PLPP1: variants seen among roughly 807,000 people sequenced by gnomAD.
PLPP1 encodes the protein phospholipid phosphatase 1.
PLPP1 carries 24 observed loss-of-function variants against 31.2 expected under a neutral mutation model. The ratio of observed to expected loss-of-function variants is 0.77; its 90% CI spans 0.56 to 1.08. The LOEUF is 1.08. Among genes scored for constraint, PLPP1 ranks in the 50% least tolerant of loss-of-function variants. PLPP1 has a pLI of 0.00. For synonymous variants in PLPP1, 146 were observed against 126.3 expected (o/e 1.16, Z -1.05); for missense variants, 319 against 342.7 (o/e 0.93, Z 0.55).
intron 1 of PLPP1, among the ~76,000 whole-genome samples, chr5:55,503,441 C>T (rs1753189489): frequency 6.6e-6 from 1 of 151,996 alleles, no homozygotes; most frequent in Admixed American, 6.6e-5. Context: ...AAATTACTTC[C>T]TTTTAAGCTT....
intron 1 of PLPP1, among the ~76,000 whole-genome samples, chr5:55,488,865 C>T (rs1752829623): frequency 6.6e-6 from 1 of 152,086 alleles, no homozygotes; most frequent in Non-Finnish European, 1.5e-5. Flanking sequence ...CCCATTTCTA[C>T]TAAAAATACA....
At chr5:55,502,179 A>C (rs999929912) in intron 1 of PLPP1, among the ~76,000 whole-genome samples, 6 of 152,176 alleles carry the variant, frequency 3.9e-5, no homozygotes, top group Admixed American at 3.9e-4. Context: ...CTAGCCAATA[A>C]AATTTTCTGT....
intron 4 of PLPP1, among the ~76,000 whole-genome samples, chr5:55,433,661 G>A (rs1032493011): frequency 2.7e-5 from 4 of 148,968 alleles, no homozygotes; most frequent in African/African-American, 9.8e-5. Flanking sequence ...CACCACACCT[G>A]GCTAATTTTT....
At chr5:55,492,816 G>C (rs957463999) in intron 1 of PLPP1, among the ~76,000 whole-genome samples, 1 of 152,168 alleles carries the variant, frequency 6.6e-6, no homozygotes, top group African/African-American at 2.4e-5. Flanking sequence ...TTGAAGCTTA[G>C]AGAAATGAGG....
intron 1 of PLPP1, among the ~76,000 whole-genome samples, chr5:55,516,573 T>G (rs758341833): frequency 6.6e-6 from 1 of 152,216 alleles, no homozygotes; most frequent in Non-Finnish European, 1.5e-5. Flanking sequence ...CTGGGCCACA[T>G]GCCAAGGAGA....
At chr5:55,528,747 A>G (rs1160823023) in intron 1 of PLPP1, among the ~76,000 whole-genome samples, 1 of 152,244 alleles carries the variant, frequency 6.6e-6, no homozygotes, top group Non-Finnish European at 1.5e-5. Context: ...CTTTTTATAC[A>G]ATATATGTAT....
At chr5:55,518,773 T>C (rs1335927994) in intron 1 of PLPP1, among the ~76,000 whole-genome samples, 1 of 152,218 alleles carries the variant, frequency 6.6e-6, no homozygotes, top group East Asian at 1.9e-4. Context: ...TGTCAACTGC[T>C]GCAAGATGAC....
chr5:55,439,999 A>G (rs1385791578), intron 4 of PLPP1, among the ~76,000 whole-genome samples: 3 of 152,206 alleles, frequency 2.0e-5, no homozygotes, highest in African/African-American at 7.2e-5. Context: ...GAAACCCCAC[A>G]GAGCTCACAG....
chr5:55,517,722 G>A (rs756873668), intron 1 of PLPP1, among the ~76,000 whole-genome samples: 2 of 152,120 alleles, frequency 1.3e-5, no homozygotes, highest in African/African-American at 4.8e-5. Context: ...ATCTCTTTAC[G>A]GGACAGCAAA....
chr5:55,473,969 T>C (rs1161373250), intron 2 of PLPP1, among the ~76,000 whole-genome samples: 1 of 143,100 alleles, frequency 7.0e-6, no homozygotes, highest in Non-Finnish European at 1.5e-5. Context: ...ACATCCACCA[T>C]ATTTTCTGGT....
intron 2 of PLPP1, among the ~76,000 whole-genome samples, chr5:55,469,946 G>A (rs992557119): frequency 2.6e-5 from 4 of 152,194 alleles, no homozygotes; most frequent in African/African-American, 9.7e-5. Context: ...TTTAGTGAAA[G>A]GTGCTGCCTT....
At chr5:55,511,686 T>C (rs925256548) in intron 1 of PLPP1, among the ~76,000 whole-genome samples, 1 of 119,478 alleles carries the variant, frequency 8.4e-6, no homozygotes, top group Non-Finnish European at 1.6e-5. Context: ...TTTTTTGAGA[T>C]GGAGTCTAGC....
chr5:55,472,921 C>T (rs1315738165), intron 2 of PLPP1, among the ~76,000 whole-genome samples: 1 of 152,230 alleles, frequency 6.6e-6, no homozygotes, highest in Non-Finnish European at 1.5e-5. Flanking sequence ...TCCTGCTCTA[C>T]TGCAGCCCTC....
At chr5:55,490,869 A>G (rs1377832530) in intron 1 of PLPP1, 1 of 1,365,076 alleles carries the variant, frequency 7.3e-7, no homozygotes, top group Non-Finnish European at 1.0e-6. Context: ...TGGTGAAGAC[A>G]GTACTGTGGA....
intron 1 of PLPP1, among the ~76,000 whole-genome samples, chr5:55,517,824 CAG>C (rs1753583492): frequency 6.6e-6 from 1 of 152,172 alleles, no homozygotes; most frequent in Non-Finnish European, 1.5e-5. Context: ...AAGGCAAAAA[CAG>C]AGCTACCAGC....
At chr5:55,456,553 A>G (rs1752014805) in intron 3 of PLPP1, among the ~76,000 whole-genome samples, 1 of 152,194 alleles carries the variant, frequency 6.6e-6, no homozygotes. Context: ...CTATAATCCT[A>G]AAAAACTATA....
intron 3 of PLPP1, among the ~76,000 whole-genome samples, chr5:55,464,678 T>C (rs112360595): frequency 0.014 from 2,081 of 152,260 alleles, 24 homozygotes; most frequent in South Asian, 0.017. Context: ...CATGGATGAA[T>C]TGCAAAACTA....
chr5:55,517,476 T>G (rs1306634799), intron 1 of PLPP1, among the ~76,000 whole-genome samples: 2 of 152,004 alleles, frequency 1.3e-5, no homozygotes, highest in Non-Finnish European at 2.9e-5. Context: ...GGAATACAGG[T>G]GTGAGCTACA....
intron 5 of PLPP1, 104 bp downstream of exon 5, chr5:55,425,759 C>T: frequency 9.1e-7 from 1 of 1,104,550 alleles, no homozygotes; most frequent in Middle Eastern, 2.2e-4. Flanking sequence ...TTGCCCACTG[C>T]ATAGTCTTCT....
Sources: allele counts gnomAD v4.1 joint callset (sites outside exome capture counted in the v4.1 genomes callset), GRCh38; gene constraint gnomAD v4.1.1; transcripts MANE v1.5; gene names NCBI Gene and HGNC (gene_info 2026-07-23, HGNC 2026-07-21).